Variants in HECW1 observed in about 807,000 individuals in gnomAD.
HECW1 encodes the protein E3 ubiquitin-protein ligase HECW1.
A neutral mutation model predicts 182.3 loss-of-function variants in HECW1; 61 were observed. The observed-to-expected ratio is 0.33, with a 90% CI of 0.27 to 0.41. HECW1 has a LOEUF of 0.41. HECW1 is among the 10% of genes least tolerant of loss of function. HECW1 has a pLI of 1.00. For synonymous variants in HECW1, 859 were observed against 832.6 expected, an observed-to-expected ratio of 1.03 and a Z score of -0.55; for missense variants, 1,739 against 2,108.9, an observed-to-expected ratio of 0.82 and a Z score of 3.44.
At chr7:43,527,913 A>G (rs1279622147) in intron 24 of HECW1, among the ~76,000 whole-genome samples, 1 of 152,260 alleles carries the variant, frequency 6.6e-6, no homozygotes, top group Non-Finnish European at 1.5e-5. Context: ...CTCATAAAGC[A>G]AATTCACAAA....
At chr7:43,305,687 A>G (rs977548737) in intron 3 of HECW1, among the ~76,000 whole-genome samples, 12 of 148,670 alleles carry the variant, frequency 8.1e-5, no homozygotes, top group African/African-American at 2.7e-4. Flanking sequence ...TGCAACCTCC[A>G]CCTCCCGGGT....
At chr7:43,370,299 G>A (rs1413408816) in intron 6 of HECW1, among the ~76,000 whole-genome samples, 1 of 152,134 alleles carries the variant, frequency 6.6e-6, no homozygotes, top group African/African-American at 2.4e-5. Context: ...TTAAAACAAT[G>A]AGGTACCAAA....
intron 6 of HECW1, among the ~76,000 whole-genome samples, chr7:43,388,788 G>A (rs1420432824): frequency 6.6e-6 from 1 of 152,116 alleles, no homozygotes; most frequent in Non-Finnish European, 1.5e-5. Flanking sequence ...ATGCCCAGCT[G>A]AAACACTCTG....
chr7:43,171,340 G>A (rs376648612), intron 2 of HECW1, among the ~76,000 whole-genome samples: 4 of 152,122 alleles, frequency 2.6e-5, no homozygotes, highest in Admixed American at 1.3e-4. Flanking sequence ...TTCGTGTGCT[G>A]CTTTTATAAA....
chr7:43,444,814 T>A lies in HECW1; in HGVS notation c.1642T>A (p.Ser548Thr), dbSNP rs1223433582. 6.2e-7 allele frequency: 1 copy of A among 1,613,852 alleles called. No homozygotes were observed. Among genetic ancestry groups the A allele is most frequent in the Admixed American group, 1.7e-5 (1 of 60,008 alleles). Residue 548 changes from serine (S) to threonine (T), a missense_variant, in exon 11 of 30, where the codon TCA (serine) becomes ACA (threonine). Transcript: ENST00000395891. The surrounding 1 kb of genome is among the most constrained non-coding windows in gnomAD (Gnocchi z 4.3). Reference protein sequence around the residue: ...PVSELETVIASACGDPETPRT... With the variant: ...PVSELETVIATACGDPETPRT... ...GTCCGAGCTGGAGACGGTGATCGCG[T>A]CAGCCTGCGGGGACCCCGAGACCCC...
chr7:43,523,814 G>C (rs917044919), intron 24 of HECW1, among the ~76,000 whole-genome samples: 1 of 152,114 alleles, frequency 6.6e-6, no homozygotes, highest in African/African-American at 2.4e-5. Flanking sequence ...CAATTAGTGG[G>C]GTGTAAGGAG....
intron 3 of HECW1, among the ~76,000 whole-genome samples, chr7:43,290,981 A>G (rs1805327696): frequency 6.6e-6 from 1 of 152,234 alleles, no homozygotes; most frequent in Non-Finnish European, 1.5e-5. Context: ...GAGAATACTC[A>G]CAGTGGTAAC....
In HECW1 at chr7:43,487,389, G is replaced by A. The variant is rs990044637; in HGVS notation, c.3235-4686G>A. Reference sequence around the variant, plus strand: ...TCACATTTACAATTATGATGAAAGCGATCGATATCAAAAGAAAAAGAAATC... The same window carrying A: ...TCACATTTACAATTATGATGAAAGCAATCGATATCAAAAGAAAAAGAAATC... On this transcript the variant is annotated intron_variant, in intron 17 of 29. Transcript: ENST00000395891. 6.6e-5 allele frequency among the ~76,000 whole-genome samples: 10 copies of A among 152,246 alleles called. No homozygotes were observed. In the East Asian group the frequency reaches 1.5e-3, roughly 23 times the overall value.
At chr7:43,426,450 G>A (rs1367409029) in intron 8 of HECW1, among the ~76,000 whole-genome samples, 1 of 152,190 alleles carries the variant, frequency 6.6e-6, no homozygotes, top group Non-Finnish European at 1.5e-5. Flanking sequence ...TGATTTCACA[G>A]GAGGGATCAT....
At chr7:43,371,133 C>A (rs1046125123) in intron 6 of HECW1, among the ~76,000 whole-genome samples, 1 of 152,014 alleles carries the variant, frequency 6.6e-6, no homozygotes, top group Non-Finnish European at 1.5e-5. Context: ...GTGATCCACC[C>A]GCCTCGGCCT....
chr7:43,162,597 A>C (rs933560899), intron 2 of HECW1, among the ~76,000 whole-genome samples: 5 of 152,228 alleles, frequency 3.3e-5, no homozygotes, highest in African/African-American at 1.2e-4. Flanking sequence ...GGTCATATTC[A>C]CAGTTGCCAG....
At chr7:43,257,493 TG>T (rs1800701524) in intron 3 of HECW1, among the ~76,000 whole-genome samples, 1 of 152,112 alleles carries the variant, frequency 6.6e-6, no homozygotes, top group South Asian at 2.1e-4. Context: ...GCAAGAGGCA[TG>T]GGGTTTGGGT....
intron 10 of HECW1, 132 bp downstream of exon 10, chr7:43,442,761 T>C: frequency 6.0e-6 from 4 of 661,716 alleles, no homozygotes; most frequent in East Asian, 3.0e-5. Context: ...CCATTTGAGG[T>C]CCAGAAGCCA....
At chr7:43,382,081 C>T (rs888281163) in intron 6 of HECW1, among the ~76,000 whole-genome samples, 4 of 152,138 alleles carry the variant, frequency 2.6e-5, no homozygotes, top group East Asian at 1.9e-4. Flanking sequence ...GTCAGGAGAG[C>T]GAAACCATCC....
chr7:43,243,818 GC>G lies in HECW1; in HGVS notation c.-31-56del, dbSNP rs1157457684. 10 of 1,300,658 alleles carry G rather than the reference GC, an allele frequency of 7.7e-6. No individual in the cohort carries two copies. In the African/African-American group the frequency reaches 1.5e-4, roughly 19 times the overall value. The allele number at this position is 1,300,658 out of a possible 1,614,324, so 80.6% of individuals were successfully genotyped here. The stretch of plus-strand genomic sequence containing the variant: ...CAATGTTGTTTGTGTGGGTAATGTT[GC>G]TGATTTTGTTTGCTTGGGATACACG... On this transcript the variant is annotated intron_variant, in intron 2 of 29. Coordinates refer to ENST00000395891, the MANE Select transcript of HECW1 (RefSeq NM_015052.5). This position sits in a 1 kb window ranked among gnomAD's most constrained non-coding sequence, Gnocchi z 4.0.
chr7:43,223,309 T>G (rs1162594144), intron 2 of HECW1, among the ~76,000 whole-genome samples: 1 of 152,150 alleles, frequency 6.6e-6, no homozygotes, highest in Non-Finnish European at 1.5e-5. Context: ...CTTCAGTATA[T>G]CCACAGCCCA....
At chr7:43,551,225 C>A (rs1378264727) in intron 27 of HECW1, among the ~76,000 whole-genome samples, 1 of 152,126 alleles carries the variant, frequency 6.6e-6, no homozygotes, top group African/African-American at 2.4e-5. Context: ...CACCACAGGA[C>A]CTCAGTTGTG....
chr7:43,296,278 G>A (rs1012455271), intron 3 of HECW1, among the ~76,000 whole-genome samples: 3 of 152,052 alleles, frequency 2.0e-5, no homozygotes, highest in African/African-American at 7.3e-5. Context: ...ATAATTATGG[G>A]GCCTTGCTGT....
At chr7:43,520,728 T>A (rs957908783) in intron 24 of HECW1, among the ~76,000 whole-genome samples, 2 of 152,228 alleles carry the variant, frequency 1.3e-5, no homozygotes, top group African/African-American at 4.8e-5. Context: ...CAGACGAAAG[T>A]GAAGCCTTGC....
Sources: gnomAD v4.1 joint callset for allele counts (sites outside exome capture counted in the v4.1 genomes callset) on GRCh38, gnomAD v4.1.1 for gene constraint, Gnocchi (gnomAD v3.1) non-coding constraint, MANE v1.5 for transcripts, NCBI Gene and HGNC (gene_info 2026-07-23, HGNC 2026-07-21) for gene names.